ORC2: variants seen among roughly 807,000 people sequenced by gnomAD.
ORC2 encodes origin recognition complex subunit 2.
In ORC2, 37 loss-of-function variants were observed where a neutral mutation model predicts 77.7. The ratio of observed to expected loss-of-function variants is 0.48; its 90% CI spans 0.37 to 0.63. ORC2 has a LOEUF of 0.63. ORC2 is among the 20% of genes least tolerant of loss of function. The pLI is 0.00. For synonymous variants in ORC2, 201 were observed against 229.5 expected, an observed-to-expected ratio of 0.88 and a Z score of 1.12; for missense variants, 557 against 661.9, an observed-to-expected ratio of 0.84 and a Z score of 1.74.
chr2:200,911,587 CAACT>C (rs1312133490), intron 17 of ORC2, among the ~76,000 whole-genome samples, 200 bp from the exon 18 acceptor site: 1 of 152,068 alleles, frequency 6.6e-6, no homozygotes, highest in Non-Finnish European at 1.5e-5. Flanking sequence ...GTGGAAAAGA[CAACT>C]AACTAGAGGG....
At chr2:200,912,031 A>G (rs2040559230) in intron 17 of ORC2, among the ~76,000 whole-genome samples, 1 of 152,170 alleles carries the variant, frequency 6.6e-6, no homozygotes, top group Admixed American at 6.6e-5. Flanking sequence ...TCTCTGCATT[A>G]AAACATGCTT....
At chr2:200,911,484 G>T in intron 17 of ORC2, 97 bp from the exon 18 acceptor site, 1 of 640,798 alleles carries the variant, frequency 1.6e-6, no homozygotes, top group Non-Finnish European at 2.6e-6. Flanking sequence ...TTATTTCTTG[G>T]ATGTAATTTT....
Position 200,931,445 on chromosome 2 carries a change from TTTGCTTTAAAAA to T in ORC2, c.808-9_810del. On this transcript the variant is annotated splice_acceptor_variant and splice_polypyrimidine_tract_variant and coding_sequence_variant and intron_variant, in exon 11 of 18. Transcript: ENST00000234296. LOFTEE classifies it high-confidence loss of function. Reference sequence around the variant, plus strand: ...ACCTTGCTCAATAAGTTACGCAAAGTTTGCTTTAAAAAAAAGGAGGAGGGGAAAAAAGTCATT... The same window carrying T: ...ACCTTGCTCAATAAGTTACGCAAAGTAAAGGAGGAGGGGAAAAAAGTCATT... The T allele has an allele frequency of 6.4e-7, 1 of 1,551,418 alleles. No homozygotes were observed.
chr2:200,926,523 TACTC>T (rs570122262), intron 12 of ORC2, among the ~76,000 whole-genome samples: 64 of 152,382 alleles, frequency 4.2e-4, no homozygotes, highest in African/African-American at 1.5e-3. Context: ...GTACCACTGA[TACTC>T]AGTATAGTAA....
At chr2:200,923,051 G>T (rs1484634543) in intron 13 of ORC2, among the ~76,000 whole-genome samples, 1 of 152,152 alleles carries the variant, frequency 6.6e-6, no homozygotes, top group Non-Finnish European at 1.5e-5. Context: ...CATAATCAAT[G>T]AATAAGATAT....
At chr2:200,913,770 T>C (rs2040591176) in intron 16 of ORC2, 161 bp downstream of exon 16, 4 of 1,411,022 alleles carry the variant, frequency 2.8e-6, no homozygotes, top group Non-Finnish European at 2.8e-6. Flanking sequence ...AGTGGATCTG[T>C]AGAGCTGCTT....
intron 5 of ORC2, among the ~76,000 whole-genome samples, chr2:200,946,628 T>C (rs1421935566): frequency 1.3e-5 from 2 of 152,218 alleles, no homozygotes; most frequent in Non-Finnish European, 2.9e-5. Context: ...TTTTATGCAG[T>C]GCTTACAAAT....
rs1337796642 is a variant in ORC2 at position 200,911,438 on chromosome 2, A to G, written c.1648-51T>C. 4.1e-6 allele frequency: 4 copies of G among 987,180 alleles called. No individual in the cohort carries two copies. The East Asian group carries it at 9.6e-5, about 24-fold the overall frequency. The allele number at this position is 987,180 out of a possible 1,614,324, so 61.2% of individuals were successfully genotyped here. A position where few individuals can be genotyped will look rare whatever the true frequency, so the allele number is the denominator to read the frequency against. Reference sequence around the variant, plus strand: ...GTTAGTCATTCATAAGAGGTATATGAACTCTTCTATTGTAGAGGCTAAAGA... The same window carrying G: ...GTTAGTCATTCATAAGAGGTATATGGACTCTTCTATTGTAGAGGCTAAAGA... On this transcript the variant is annotated intron_variant, in intron 17 of 17. Transcript: ENST00000234296.
chr2:200,922,151 G>C (rs1384133186), intron 13 of ORC2, among the ~76,000 whole-genome samples: 2 of 105,166 alleles, frequency 1.9e-5, no homozygotes, highest in Non-Finnish European at 3.5e-5. Flanking sequence ...AGGAGTGGGT[G>C]GGGGGTGGGG....
chr2:200,934,870 T>C (rs1005823561), intron 9 of ORC2, among the ~76,000 whole-genome samples: 4 of 152,200 alleles, frequency 2.6e-5, no homozygotes, highest in Admixed American at 6.5e-5. Context: ...GGCTCCTCAA[T>C]TGCTCTGAAC....
intron 5 of ORC2, among the ~76,000 whole-genome samples, chr2:200,947,130 G>A (rs1229468860): frequency 6.6e-6 from 1 of 151,854 alleles, no homozygotes; most frequent in Non-Finnish European, 1.5e-5. Context: ...TTGAACTCCT[G>A]ACCTCAAGTG....
chr2:200,939,552 C>G (rs763450670), intron 7 of ORC2, among the ~76,000 whole-genome samples: 11 of 152,186 alleles, frequency 7.2e-5, no homozygotes, highest in Non-Finnish European at 1.3e-4. Context: ...CTTTAAGACA[C>G]GATCTTCACT....
intron 4 of ORC2, among the ~76,000 whole-genome samples, chr2:200,955,828 T>C (rs974223692): frequency 5.3e-5 from 8 of 152,218 alleles, no homozygotes; most frequent in African/African-American, 1.9e-4. Context: ...TCTGTGTTCC[T>C]TGTACCCAGG....
chr2:200,950,984 G>A (rs189897361), intron 4 of ORC2, among the ~76,000 whole-genome samples: 2 of 152,160 alleles, frequency 1.3e-5, no homozygotes, highest in East Asian at 3.9e-4. Flanking sequence ...TTACGCTGTG[G>A]CTTGTCTTTA....
chr2:200,933,012 T>A (rs759046459), intron 10 of ORC2, among the ~76,000 whole-genome samples: 19 of 152,176 alleles, frequency 1.2e-4, no homozygotes, highest in Non-Finnish European at 2.8e-4. Flanking sequence ...CTCCTAGAGA[T>A]CTTTTTGCCT....
intron 15 of ORC2, among the ~76,000 whole-genome samples, chr2:200,918,834 C>G (rs2040705265): frequency 6.6e-6 from 1 of 151,874 alleles, no homozygotes; most frequent in African/African-American, 2.4e-5. Flanking sequence ...AAATTTAAAA[C>G]AAAAAAATTC....
intron 2 of ORC2, 78 bp from the exon 3 acceptor site, chr2:200,958,211 T>A (rs2125038613): frequency 1.3e-6 from 1 of 771,884 alleles, no homozygotes; most frequent in East Asian, 2.5e-5. Context: ...ACATAATGAA[T>A]ACATGTCTTT....
At chr2:200,928,822 A>C (rs368507624) in intron 11 of ORC2, among the ~76,000 whole-genome samples, 43 of 152,000 alleles carry the variant, frequency 2.8e-4, no homozygotes, top group East Asian at 1.4e-3. Context: ...TCAAAAAAAA[A>C]AACAACAAAA....
chr2:200,940,882 G>T (rs2041139544), intron 7 of ORC2, among the ~76,000 whole-genome samples: 1 of 152,102 alleles, frequency 6.6e-6, no homozygotes, highest in African/African-American at 2.4e-5. Context: ...TGCATCTTGG[G>T]ATCAAACTGC....
Sources: allele counts gnomAD v4.1 joint callset (sites outside exome capture counted in the v4.1 genomes callset), GRCh38; gene constraint gnomAD v4.1.1; transcripts MANE v1.5; gene names NCBI Gene and HGNC (gene_info 2026-07-23, HGNC 2026-07-21).